HSD17B3: variants seen among roughly 807,000 people sequenced by gnomAD.
HSD17B3 encodes the protein hydroxysteroid 17-beta dehydrogenase 3, also known as 17-beta-hydroxysteroid dehydrogenase type 3.
A neutral mutation model predicts 41.1 loss-of-function variants in HSD17B3; 29 were observed. The observed-to-expected ratio is 0.71, with a 90% confidence interval of 0.53 to 0.96. The LOEUF is 0.96. HSD17B3 is among the 40% of genes least tolerant of loss of function. The pLI, the probability that HSD17B3 is intolerant of heterozygous loss-of-function variation, is 0.00. For synonymous variants in HSD17B3, 126 were observed against 145.6 expected (o/e 0.87, Z 0.97); for missense variants, 323 against 374.6 (o/e 0.86, Z 1.14).
intron 2 of HSD17B3, among the ~76,000 whole-genome samples, chr9:96,275,058 AAG>A (rs1478657706): frequency 2.0e-5 from 3 of 152,108 alleles, no homozygotes; most frequent in African/African-American, 7.2e-5. Context: ...TGCAGGCAAA[AAG>A]AGAGTGGGAT....
chr9:96,243,464 T>C (rs998163458), intron 9 of HSD17B3, among the ~76,000 whole-genome samples: 8 of 152,212 alleles, frequency 5.3e-5, no homozygotes, highest in African/African-American at 1.9e-4. Flanking sequence ...GGTTAGTTTA[T>C]AGGAACAGCT....
chr9:96,247,418 T>G (rs1733197942), intron 6 of HSD17B3: 1 of 152,432 alleles, frequency 6.6e-6, no homozygotes, highest in Non-Finnish European at 1.5e-5. Flanking sequence ...GCTGCCCATT[T>G]CTCCATGCTG....
chr9:96,295,002 CTTTTT>C (rs10541572), intron 2 of HSD17B3, among the ~76,000 whole-genome samples: 4 of 66,170 alleles, frequency 6.0e-5, no homozygotes, highest in East Asian at 5.0e-4. Context: ...ACACGAGGAG[CTTTTT>C]TTTTTTTTTT....
intron 6 of HSD17B3, 56 bp downstream of exon 6, chr9:96,249,695 G>C: frequency 1.3e-6 from 2 of 1,542,902 alleles, no homozygotes; most frequent in Non-Finnish European, 1.8e-6. Flanking sequence ...CTCCTGAGTT[G>C]CCAAATTTCA....
At chr9:96,264,160 G>C (rs2479823) in intron 2 of HSD17B3, among the ~76,000 whole-genome samples, 136,856 of 152,178 alleles carry the variant, frequency 0.9, 61,614 homozygotes, top group African/African-American at 0.94. Context: ...AAAAGAATAG[G>C]CATTTTTTGC....
Position 96,246,495 on chromosome 9 carries a change from T to G in HSD17B3, c.524+61A>C. 7 of 1,476,316 alleles carry G rather than the reference T, an allele frequency of 4.7e-6. No individual in the cohort carries two copies. In the South Asian group the frequency reaches 8.0e-5, roughly 17 times the overall value. 91.5% of individuals were successfully genotyped at this position (1,476,316 alleles called of 1,614,324 possible). A position where few individuals can be genotyped will look rare whatever the true frequency, so the allele number is the denominator to read the frequency against. On this transcript the variant is annotated intron_variant, in intron 7 of 10. Coordinates refer to ENST00000375263, the MANE Select transcript of HSD17B3 (RefSeq NM_000197.2). The stretch of plus-strand genomic sequence containing the variant: ...GGACTCTGTGTCCCCAGTCCCTGAG[T>G]TAGCTGACCGCCAGGGCAGGGAGGC...
At chr9:96,294,167 C>T (rs1429294007) in intron 2 of HSD17B3, among the ~76,000 whole-genome samples, 2 of 151,886 alleles carry the variant, frequency 1.3e-5, no homozygotes, top group East Asian at 3.9e-4. Context: ...ATAATCGCAG[C>T]ACTTTGGGAG....
intron 10 of HSD17B3, among the ~76,000 whole-genome samples, chr9:96,240,145 C>T (rs991188781): frequency 5.3e-5 from 8 of 152,208 alleles, no homozygotes; most frequent in South Asian, 2.1e-4. Flanking sequence ...ACCTAGATGA[C>T]GGGTTGATAG....
intron 8 of HSD17B3, 112 bp downstream of exon 8, chr9:96,245,233 G>A: frequency 1.2e-6 from 1 of 851,018 alleles, no homozygotes; most frequent in Non-Finnish European, 2.1e-6. Context: ...GCACATAAGA[G>A]AGCATCTCCA....
intron 10 of HSD17B3, among the ~76,000 whole-genome samples, chr9:96,237,851 C>T (rs950128044): frequency 2.6e-5 from 4 of 152,118 alleles, no homozygotes; most frequent in East Asian, 1.9e-4. Context: ...ATATTCAGGC[C>T]GGGCACAGTG....
chr9:96,282,992 CTTTTTTTTTTTTTTTTT>C (rs58397134), intron 2 of HSD17B3, among the ~76,000 whole-genome samples: 1 of 71,690 alleles, frequency 1.4e-5, no homozygotes, highest in Non-Finnish European at 2.7e-5. Context: ...AGGTTTCTTT[CTTTTTTTTTTTTTTTTT>C]TTTTTTTTTT....
At chr9:96,252,199 C>T (rs899194864) in intron 4 of HSD17B3, among the ~76,000 whole-genome samples, 1 of 152,092 alleles carries the variant, frequency 6.6e-6, no homozygotes, top group African/African-American at 2.4e-5. Flanking sequence ...TCTTTTTCTG[C>T]CAAATGTCAA....
intron 2 of HSD17B3, among the ~76,000 whole-genome samples, chr9:96,293,938 G>A (rs1210481735): frequency 1.3e-5 from 2 of 152,076 alleles, no homozygotes; most frequent in Non-Finnish European, 2.9e-5. Flanking sequence ...GGGAGGCTTT[G>A]ACACACATCT....
At chr9:96,248,389 C>G (rs1836758301) in intron 6 of HSD17B3, among the ~76,000 whole-genome samples, 1 of 152,224 alleles carries the variant, frequency 6.6e-6, no homozygotes, top group Admixed American at 6.5e-5. Context: ...CATTTCCCCT[C>G]CTTATCTTAA....
chr9:96,271,131 T>C (rs1246345717), intron 2 of HSD17B3, among the ~76,000 whole-genome samples: 2 of 151,570 alleles, frequency 1.3e-5, no homozygotes, highest in African/African-American at 4.9e-5. Flanking sequence ...AAAAGAAAAA[T>C]GAAAATTCAC....
intron 2 of HSD17B3, among the ~76,000 whole-genome samples, chr9:96,277,209 A>AG (rs1564052215): frequency 6.6e-6 from 1 of 151,086 alleles, no homozygotes; most frequent in African/African-American, 2.4e-5. Context: ...TCAAAAAAAA[A>AG]AGAAAGAAAA....
chr9:96,285,751 C>T (rs1301853475), intron 2 of HSD17B3, among the ~76,000 whole-genome samples: 1 of 152,144 alleles, frequency 6.6e-6, no homozygotes, highest in Non-Finnish European at 1.5e-5. Context: ...CTCCTCTCTA[C>T]TCTGAATACA....
intron 10 of HSD17B3, among the ~76,000 whole-genome samples, chr9:96,236,730 G>A (rs1026436994): frequency 1.3e-5 from 2 of 151,988 alleles, no homozygotes; most frequent in East Asian, 3.9e-4. Flanking sequence ...TCAGTTCAAT[G>A]TATTTCAGGC....
intron 2 of HSD17B3, among the ~76,000 whole-genome samples, chr9:96,276,568 A>G (rs1330064440): frequency 6.6e-6 from 1 of 152,202 alleles, no homozygotes. Flanking sequence ...ATATAAACCA[A>G]TGGAACAGAA....
Sources: allele counts gnomAD v4.1 joint callset (sites outside exome capture counted in the v4.1 genomes callset), GRCh38; gene constraint gnomAD v4.1.1; transcripts MANE v1.5; gene names NCBI Gene and HGNC (gene_info 2026-07-23, HGNC 2026-07-21).